The following C12orf75 variants were observed in gnomAD, a reference collection of about 807,000 sequenced individuals.
The protein encoded by C12orf75 is overexpressed in colon carcinoma 1 protein.
A neutral mutation model predicts 11.4 loss-of-function variants in C12orf75; 4 were observed. The observed-to-expected ratio is 0.35, with a 90% CI of 0.17 to 0.80. The LOEUF is 0.80. C12orf75 is among the 30% of genes least tolerant of loss of function. C12orf75 has a pLI of 0.52. For missense variants in C12orf75, 89 were observed against 80.4 expected (o/e 1.11, Z -0.41); for synonymous variants, 30 against 30.0 (o/e 1.00, Z 0.00).
chr12:105,363,078 C>G (rs1355997760), intron 2 of C12orf75, among the ~76,000 whole-genome samples: 1 of 116,916 alleles, frequency 8.6e-6, no homozygotes, highest in Non-Finnish European at 1.6e-5. Context: ...ACCTGAGAAG[C>G]AGAGTGGTGA....
chr12:105,336,076 A>T (rs1892496682), intron 1 of C12orf75, among the ~76,000 whole-genome samples: 1 of 152,188 alleles, frequency 6.6e-6, no homozygotes, highest in African/African-American at 2.4e-5. Flanking sequence ...AATAGGTAAG[A>T]TTTGGATAGC....
chr12:105,355,616 C>T (rs181611402), intron 2 of C12orf75, among the ~76,000 whole-genome samples: 39 of 152,250 alleles, frequency 2.6e-4, no homozygotes, highest in South Asian at 1.9e-3. Flanking sequence ...GAAATGGCCC[C>T]ACCTGTAAGA....
chr12:105,355,052 C>T (rs1367878496), intron 2 of C12orf75, among the ~76,000 whole-genome samples: 1 of 151,962 alleles, frequency 6.6e-6, no homozygotes, highest in Non-Finnish European at 1.5e-5. Flanking sequence ...GAACTATACT[C>T]CATGGAGCAG....
At chr12:105,343,832 A>G (rs914431070) in intron 1 of C12orf75, among the ~76,000 whole-genome samples, 2 of 151,954 alleles carry the variant, frequency 1.3e-5, no homozygotes, top group African/African-American at 2.4e-5. Flanking sequence ...ACATTTTCCT[A>G]TTAAAAAATG....
At chr12:105,365,676 CTACTT>C in intron 2 of C12orf75, 126 bp from the exon 3 acceptor site, 1 of 681,446 alleles carries the variant, frequency 1.5e-6, no homozygotes, top group Non-Finnish European at 2.7e-6. Context: ...TTTTGCTCCT[CTACTT>C]AAGTCTGATG....
chr12:105,366,201 G>T, intron 3 of C12orf75: 1 of 311,078 alleles, frequency 3.2e-6, no homozygotes, highest in Non-Finnish European at 5.9e-6. Flanking sequence ...TGCTGTCTCT[G>T]CCCTCATTTT....
At chr12:105,333,859 A>G (rs1235629364) in intron 1 of C12orf75, among the ~76,000 whole-genome samples, 3 of 152,186 alleles carry the variant, frequency 2.0e-5, no homozygotes, top group African/African-American at 7.2e-5. Context: ...ATGCATTAAC[A>G]TATTATTACA....
At chr12:105,366,178 C>G (rs1871468572) in intron 3 of C12orf75, 1 of 338,248 alleles carries the variant, frequency 3.0e-6, no homozygotes, top group African/African-American at 2.1e-5. Flanking sequence ...GCACTCCACC[C>G]TCATTTCTCT....
At chr12:105,349,972 A>G (rs531105181) in intron 2 of C12orf75, among the ~76,000 whole-genome samples, 2 of 152,380 alleles carry the variant, frequency 1.3e-5, no homozygotes, top group South Asian at 4.1e-4. Flanking sequence ...TGGGAATTAA[A>G]TATTTAAATA....
intron 2 of C12orf75, among the ~76,000 whole-genome samples, chr12:105,362,943 C>T (rs1417783310): frequency 6.6e-6 from 1 of 152,230 alleles, no homozygotes; most frequent in East Asian, 1.9e-4. Flanking sequence ...GTTACACAAT[C>T]AGGTTGAGAG....
chr12:105,356,476 T>G (rs1328280876), intron 2 of C12orf75, among the ~76,000 whole-genome samples: 1 of 142,548 alleles, frequency 7.0e-6, no homozygotes, highest in East Asian at 2.2e-4. Flanking sequence ...TTAGATCATC[T>G]CTAATAAGAA....
rs1174897993 is a variant in C12orf75 at position 105,365,823 on chromosome 12, A to C, written c.88A>C (p.Thr30Pro). 2 of 1,549,460 alleles carry C rather than the reference A, an allele frequency of 1.3e-6. No individual in the cohort carries two copies. The highest frequency in any genetic ancestry group is 8.7e-7 in the Non-Finnish European group (1 of 1,145,078). The change falls in exon 3 of 6, where the codon ACA becomes CCA. Residue 30 changes from threonine (T) to proline (P), a missense_variant. Thr to Pro is a conservative substitution (Grantham distance 38). Coordinates refer to ENST00000443585, the MANE Select transcript of C12orf75 (RefSeq NM_001145199.2). ...ACCTTTTAGAACAGAAGAATCCGTA[A>C]CAGAAGATGACAAGAGGAGGTATGT... ...AAKDVTEESVTEDDKRRNYGG... is the reference protein window; with the variant it reads ...AAKDVTEESVPEDDKRRNYGG...
chr12:105,336,330 A>G (rs1399593732), intron 1 of C12orf75, among the ~76,000 whole-genome samples: 1 of 152,224 alleles, frequency 6.6e-6, no homozygotes, highest in Non-Finnish European at 1.5e-5. Context: ...TACATTTGCC[A>G]TTCATCATTT....
rs78378296 is a variant in C12orf75, at chr12:105,370,502, T to C, written c.*34-132T>C. The C allele has an allele frequency of 3.7e-5, 16 of 432,624 alleles. No homozygotes were observed. The East Asian group carries it at 8.5e-4, about 23-fold the overall frequency. 26.8% of individuals were successfully genotyped at this position (432,624 alleles called of 1,614,324 possible). ...ACTGGCCACCTAAGTCTTAAATTAA[T>C]ATTGGGTGAATATTAAATAGGTGTT... On this transcript the variant is annotated intron_variant, in intron 5 of 5. Transcript: ENST00000443585.
chr12:105,355,110 G>C (rs1255875141), intron 2 of C12orf75, among the ~76,000 whole-genome samples: 1 of 151,922 alleles, frequency 6.6e-6, no homozygotes, highest in Non-Finnish European at 1.5e-5. Context: ...TGGGATAGAG[G>C]AAGTCAGCAA....
intron 1 of C12orf75, among the ~76,000 whole-genome samples, chr12:105,333,754 AATT>A (rs1290873973): frequency 6.6e-6 from 1 of 152,220 alleles, no homozygotes; most frequent in African/African-American, 2.4e-5. Context: ...TGTAAACTGT[AATT>A]ATTACTATAT....
chr12:105,345,599 C>A (rs1372953030), intron 1 of C12orf75, among the ~76,000 whole-genome samples: 1 of 147,880 alleles, frequency 6.8e-6, no homozygotes, highest in Non-Finnish European at 1.5e-5. Context: ...AATCTGTATT[C>A]TGTAGATAAA....
At position 105,370,932 on chromosome 12, in the gene C12orf75, G is replaced by T. The variant is rs567582753; in HGVS notation, c.*332G>T. 1 of 281,776 alleles carries T rather than the reference G, an allele frequency of 3.5e-6. No individual in the cohort carries two copies. The highest frequency in any genetic ancestry group is 8.0e-5 in the East Asian group (1 of 12,568). The allele number at this position is 281,776 out of a possible 1,614,324, so 17.5% of individuals were successfully genotyped here. A position where few individuals can be genotyped will look rare whatever the true frequency, so the allele number is the denominator to read the frequency against. On this transcript the variant is annotated 3_prime_UTR_variant, in exon 6 of 6. Transcript: ENST00000443585. Reference sequence around the variant, plus strand: ...ACAACATTTCCACCCTGGCCACTCAGCACATTTCATGGAGGTCATGTCTTT... The same window carrying T: ...ACAACATTTCCACCCTGGCCACTCATCACATTTCATGGAGGTCATGTCTTT...
At chr12:105,347,346 G>A (rs1265323032) in intron 1 of C12orf75, among the ~76,000 whole-genome samples, 2 of 152,182 alleles carry the variant, frequency 1.3e-5, no homozygotes, top group Admixed American at 6.5e-5. Context: ...ACAATAGGCC[G>A]TCTGCAAGCT....
Sources: gnomAD v4.1 joint callset for allele counts (sites outside exome capture counted in the v4.1 genomes callset) on GRCh38, gnomAD v4.1.1 for gene constraint, MANE v1.5 for transcripts, NCBI Gene and HGNC (gene_info 2026-07-23, HGNC 2026-07-21) for gene names.